Variants in COL20A1 observed in about 807,000 individuals in gnomAD.
COL20A1 encodes collagen alpha-1(XX) chain.
In COL20A1, 164 loss-of-function variants were observed where a neutral mutation model predicts 152.9. That is an observed-to-expected ratio of 1.07 (90% CI 0.94 to 1.22). The LOEUF is 1.22. Ranked by LOEUF, COL20A1 falls within the 50% of genes most tolerant of loss-of-function variation. The pLI, the probability that COL20A1 is intolerant of heterozygous loss-of-function variation, is 0.00. For synonymous variants in COL20A1, 864 were observed against 756.0 expected, an observed-to-expected ratio of 1.14 and a Z score of -2.34; for missense variants, 1,873 against 1,744.8, an observed-to-expected ratio of 1.07 and a Z score of -1.31.
In COL20A1 at chr20:63,310,395, A is replaced by G. The variant is rs4809287; in HGVS notation, c.1278A>G (p.Gly426=). The change falls in exon 11 of 36, where the codon GGA becomes GGG. Residue 426 remains glycine (G), a synonymous_variant. Transcript: ENST00000358894. The part of the protein sequence containing the change: ...GGTPREVVVE[G]PAASTELHNL... ...CTCTGTTCCAGGTGGTGGTGGAGGG[A>G]CCCGCCGCCTCCACGGAGCTGCACA... 1,597,683 of 1,610,662 alleles carry G rather than the reference A, an allele frequency of 0.99. 793,160 individuals are homozygous for G. The highest frequency in any genetic ancestry group is 1 in the East Asian group (44,808 of 44,810).
chr20:63,304,115 G>T (rs2067892617), intron 3 of COL20A1, among the ~76,000 whole-genome samples: 1 of 146,592 alleles, frequency 6.8e-6, no homozygotes, highest in Admixed American at 6.8e-5. Flanking sequence ...GTGCAGGTGT[G>T]GGTTCCTCCC....
At chr20:63,310,906 C>CCCTG (rs1299864954) in intron 11 of COL20A1, among the ~76,000 whole-genome samples, 2 of 152,088 alleles carry the variant, frequency 1.3e-5, no homozygotes, top group Non-Finnish European at 2.9e-5. Flanking sequence ...ATACAACCTG[C>CCCTG]CCATTTAAAG....
At chr20:63,299,687 C>T (rs1282020885) in intron 3 of COL20A1, among the ~76,000 whole-genome samples, 1 of 152,078 alleles carries the variant, frequency 6.6e-6, no homozygotes, top group Non-Finnish European at 1.5e-5. Context: ...CTACGTAAGG[C>T]TGAGTTTTTG....
At position 63,309,770 on chromosome 20, in the gene COL20A1, C is replaced by T. The variant is rs1417934338; in HGVS notation, c.1118C>T (p.Ala373Val). 3.2e-5 allele frequency: 50 copies of T among 1,587,116 alleles called. No homozygotes were observed. Among genetic ancestry groups the T allele is most frequent in the Non-Finnish European group, 3.9e-5 (46 of 1,168,518 alleles). Residue 373 changes from alanine to valine, a missense_variant, in exon 10 of 36, where the codon GCC (alanine) becomes GTC (valine). Physicochemically the swap from Ala to Val is moderately conservative, Grantham distance 64. Coordinates refer to ENST00000358894, the MANE Select transcript of COL20A1 (RefSeq NM_020882.4). ...SPRQGPAAAP[A>V]LDTLPAPTSL... ...GCTACTCCAGCAGCAGCGGCTCCAG[C>T]CCTGGACACCCTCCCTGCCCCCACC... is the stretch of plus-strand genomic sequence containing the variant.
At position 63,293,253 on chromosome 20, in the gene COL20A1, T is replaced by A. The variant is rs2067738620; in HGVS notation, c.-33T>A. 1 of 152,214 alleles carries A rather than the reference T, an allele frequency of 6.6e-6. No homozygotes were observed. Among genetic ancestry groups the A allele is most frequent in the African/African-American group, 2.4e-5 (1 of 41,384 alleles). The allele number at this position is 152,214 out of a possible 1,614,324, so 9.4% of individuals were successfully genotyped here. On this transcript the variant is annotated 5_prime_UTR_variant, in exon 1 of 36. Transcript: ENST00000358894. ...ACCAGCACACCCCAGGAGAGAGGAC[T>A]GGGGTCCCAGGAGTAGGAGGAGGTG... is the stretch of plus-strand genomic sequence containing the variant.
In COL20A1 at chr20:63,309,506, C is replaced by T; in HGVS notation, c.1105+9C>T. On this transcript the variant is annotated intron_variant, in intron 9 of 35. Transcript: ENST00000358894. Reference sequence around the variant, plus strand: ...CCCGCGGCAGGGCCCAGGTGAGGGGCAGGGTCACCCGCACAGGCTGCAGCC... The same window carrying T: ...CCCGCGGCAGGGCCCAGGTGAGGGGTAGGGTCACCCGCACAGGCTGCAGCC... 1 of 1,497,866 alleles carries T rather than the reference C, an allele frequency of 6.7e-7. No individual in the cohort carries two copies. Among genetic ancestry groups the T allele is most frequent in the Non-Finnish European group, 8.9e-7 (1 of 1,119,274 alleles). The allele number at this position is 1,497,866 out of a possible 1,614,324, so 92.8% of individuals were successfully genotyped here. A position where few individuals can be genotyped will look rare whatever the true frequency, so the allele number is the denominator to read the frequency against.
Position 63,306,024 on chromosome 20 carries a change from G to T in COL20A1, c.481G>T (p.Asp161Tyr). The T allele has an allele frequency of 6.2e-7, 1 of 1,611,664 alleles. No homozygotes were observed. The highest frequency in any genetic ancestry group is 8.5e-7 in the Non-Finnish European group (1 of 1,179,198). ...EPQVAFTPSQ[D>Y]PRTPAGPQFR... ...CCAAGTTGCCTTCACACCAAGCCAG[G>T]ATCCGCGCACTCCTGGTGGGTCAGA... is the stretch of plus-strand genomic sequence containing the variant. The change falls in exon 5 of 36, where the codon GAT becomes TAT. Residue 161 changes from aspartate to tyrosine, a missense_variant. Transcript: ENST00000358894. The surrounding 1 kb of genome is among the most constrained non-coding windows in gnomAD (Gnocchi z 6.9).
intron 6 of COL20A1, 43 bp from the exon 7 acceptor site, chr20:63,307,928 C>A: frequency 6.2e-7 from 1 of 1,605,932 alleles, no homozygotes; most frequent in South Asian, 1.1e-5. Context: ...CTGGGCATCT[C>A]AGCATTGGAA....
At chr20:63,310,320 T>C in intron 10 of COL20A1, 61 bp from the exon 11 acceptor site, 1 of 1,577,918 alleles carries the variant, frequency 6.3e-7, no homozygotes, top group Non-Finnish European at 8.6e-7. Context: ...GGAGTTCCTG[T>C]CCTGCTCCCC....
chr20:63,330,644 G>C (rs559121452), intron 35 of COL20A1, 76 bp from the exon 36 acceptor site: 7 of 152,440 alleles, frequency 4.6e-5, no homozygotes, highest in Admixed American at 2.0e-4. Context: ...GGTGGCCACA[G>C]TGCCAGGCGC....
intron 3 of COL20A1, among the ~76,000 whole-genome samples, chr20:63,298,455 TA>T (rs1340715908): frequency 3.3e-5 from 5 of 151,910 alleles, no homozygotes; most frequent in African/African-American, 9.7e-5. Context: ...CACTCCTGGC[TA>T]ATTTTTGTAT....
intron 21 of COL20A1, among the ~76,000 whole-genome samples, chr20:63,317,349 C>G (rs1007676106): frequency 5.3e-5 from 8 of 151,656 alleles, no homozygotes; most frequent in African/African-American, 1.9e-4. Context: ...ACCTGTATTC[C>G]CAGCTACTCG....
At chr20:63,308,809 T>G in intron 8 of COL20A1, 103 bp downstream of exon 8, 1 of 1,081,576 alleles carries the variant, frequency 9.2e-7, no homozygotes, top group Non-Finnish European at 1.3e-6. Context: ...GAGCCCCAGC[T>G]TCCACATCTG....
In COL20A1 at chr20:63,319,416, G is replaced by A; in HGVS notation, c.2807-71G>A. ...GGGCTGCTCCTGTCCTGTCGTGGGG[G>A]CCGCCCTGCTCAAGGTATAGGCCCG... On this transcript the variant is annotated intron_variant, in intron 22 of 35. Transcript: ENST00000358894. This position sits in a 1 kb window ranked among gnomAD's most constrained non-coding sequence, Gnocchi z 4.4. The A allele has an allele frequency of 7.9e-7, 1 of 1,260,006 alleles. No homozygotes were observed. Among genetic ancestry groups the A allele is most frequent in the East Asian group, 2.5e-5 (1 of 39,418 alleles). The allele number at this position is 1,260,006 out of a possible 1,614,324, so 78.1% of individuals were successfully genotyped here.
At chr20:63,321,638 C>T (rs1396001250) in intron 26 of COL20A1, among the ~76,000 whole-genome samples, 2 of 152,174 alleles carry the variant, frequency 1.3e-5, no homozygotes, top group East Asian at 1.9e-4. Flanking sequence ...CTCAGGGAGG[C>T]GGCCCTCCAG....
chr20:63,316,543 T>A lies in COL20A1; in HGVS notation c.2525-10T>A. 6.5e-7 allele frequency: 1 copy of A among 1,547,392 alleles called. No homozygotes were observed. The highest frequency in any genetic ancestry group is 1.2e-5 in the South Asian group (1 of 85,784). ...TCCCTCGGTGCCCCTTCCCCCACCA[T>A]CTTCCCCAGGGTTTGACCTGATGGT... On this transcript the variant is annotated splice_polypyrimidine_tract_variant and intron_variant, in intron 20 of 35. Transcript: ENST00000358894.
rs1340275191 is a variant in COL20A1, at chr20:63,309,408, T to A, written c.1016T>A (p.Leu339Gln). Residue 339 changes from leucine (L) to glutamine (Q), a missense_variant, in exon 9 of 36, where the codon CTG becomes CAG. Physicochemically the swap from Leu to Gln is moderately radical, Grantham distance 113. Coordinates refer to ENST00000358894, the MANE Select transcript of COL20A1 (RefSeq NM_020882.4). ...PPRDITVHSV[L>Q]DFLQLGALAG... ...AGGGACATCACCGTCCACAGCGTGC[T>A]GGACTTCCTGCAGCTCGGCGCGCTG... The A allele has an allele frequency of 3.2e-6, 5 of 1,558,566 alleles. No homozygotes were observed. Among genetic ancestry groups the A allele is most frequent in the Non-Finnish European group, 1.7e-6 (2 of 1,151,108 alleles).
At position 63,332,661 on chromosome 20, in the gene COL20A1, C is replaced by A. The variant is rs1476227829; in HGVS notation, c.*1945C>A. On this transcript the variant is annotated 3_prime_UTR_variant, in exon 36 of 36. Coordinates refer to ENST00000358894, the MANE Select transcript of COL20A1 (RefSeq NM_020882.4). ...ACCAGGGTGGCTCTAATCCCCACCA[C>A]CCCCTCAGCTGCCCTACCCCCGCCA... 6.6e-6 allele frequency: 1 copy of A among 152,288 alleles called. No individual in the cohort carries two copies. Among genetic ancestry groups the A allele is most frequent in the African/African-American group, 2.4e-5 (1 of 41,458 alleles). 9.4% of individuals were successfully genotyped at this position (152,288 alleles called of 1,614,324 possible).
At position 63,311,967 on chromosome 20, in the gene COL20A1, C is replaced by T. The variant is rs375504407; in HGVS notation, c.1715C>T (p.Ala572Val). Residue 572 changes from alanine (A) to valine (V), a missense_variant, in exon 14 of 36, where the codon GCG (alanine) becomes GTG (valine). Ala to Val is a moderately conservative substitution (Grantham distance 64). Coordinates refer to ENST00000358894, the MANE Select transcript of COL20A1 (RefSeq NM_020882.4). This position sits in a 1 kb window ranked among gnomAD's most constrained non-coding sequence, Gnocchi z 4.4. ...HLGFSDVSHD[A>V]ARVFWEGAPR... ...GGCTTCTCAGACGTGAGCCACGACG[C>T]GGCACGAGTGTTCTGGGAGGGTGCC... The T allele has an allele frequency of 2.3e-5, 37 of 1,597,708 alleles. No homozygotes were observed. In the Admixed American group the frequency reaches 2.4e-4, roughly 10 times the overall value.
Sources: allele counts gnomAD v4.1 joint callset (sites outside exome capture counted in the v4.1 genomes callset), GRCh38; gene constraint gnomAD v4.1.1; non-coding constraint Gnocchi (gnomAD v3.1); transcripts MANE v1.5; gene names NCBI Gene and HGNC (gene_info 2026-07-23, HGNC 2026-07-21).